Variants in ABCA4 observed in about 807,000 individuals in gnomAD.
ABCA4 encodes the protein ATP binding cassette subfamily A member 4, also known as retinal-specific phospholipid-transporting ATPase ABCA4.
In ABCA4, 196 loss-of-function variants were observed where a neutral mutation model predicts 263.7. The ratio of observed to expected loss-of-function variants is 0.74; its 90% CI spans 0.66 to 0.84. The LOEUF (loss-of-function observed/expected upper bound fraction) is 0.84. ABCA4 is among the 40% of genes least tolerant of loss of function. ABCA4 has a pLI of 0.00. For synonymous variants in ABCA4, 1,133 were observed against 1,094.2 expected, an observed-to-expected ratio of 1.04 and a Z score of -0.70; for missense variants, 2,792 against 2,855.1, an observed-to-expected ratio of 0.98 and a Z score of 0.50.
chr1:93,995,840 T>C (rs1452780467), intron 49 of ABCA4, among the ~76,000 whole-genome samples: 2 of 152,218 alleles, frequency 1.3e-5, no homozygotes, highest in African/African-American at 2.4e-5. Context: ...TCAAAAATGC[T>C]CTCCCATGCT....
chr1:93,997,169 TA>T (rs1381434952), intron 48 of ABCA4, among the ~76,000 whole-genome samples: 2 of 152,188 alleles, frequency 1.3e-5, no homozygotes, highest in African/African-American at 4.8e-5. Context: ...TTTACCGCAA[TA>T]AAAAATGTGA....
At chr1:94,088,893 G>T (rs1403484768) in intron 6 of ABCA4, among the ~76,000 whole-genome samples, 1 of 152,226 alleles carries the variant, frequency 6.6e-6, no homozygotes, top group Non-Finnish European at 1.5e-5. Flanking sequence ...TCTCCAGGGA[G>T]GCTGCGCATA....
intron 9 of ABCA4, 131 bp downstream of exon 9, chr1:94,079,191 A>C: frequency 7.4e-7 from 1 of 1,358,688 alleles, no homozygotes; most frequent in Non-Finnish European, 1.0e-6. Flanking sequence ...GAGGAAACGC[A>C]AGAGTCCACT....
At chr1:93,999,056 T>C (rs779263386) in intron 47 of ABCA4, among the ~76,000 whole-genome samples, 2 of 150,974 alleles carry the variant, frequency 1.3e-5, no homozygotes, top group Non-Finnish European at 2.9e-5. Context: ...CAGCCTATTT[T>C]ATTTTTTGAG....
Position 94,042,772 on chromosome 1 carries a change from T to C in ABCA4, c.3317A>G (p.Lys1106Arg), listed in dbSNP as rs750079068. 1.9e-6 allele frequency: 3 copies of C among 1,614,186 alleles called. No individual in the cohort carries two copies. In the South Asian group the frequency reaches 3.3e-5, roughly 18 times the overall value. The change falls in exon 22 of 50, where the codon AAG (lysine) becomes AGG (arginine). Residue 1106 changes from lysine to arginine, a missense_variant. Physicochemically the swap from Lys to Arg is conservative, Grantham distance 26 (BLOSUM62 2). Transcript: ENST00000370225. ...GCAGCAGCTGTTACCTGAGCGATACTTCAGGAGCAGATCCCAGATTGAGCG... is the reference window on the plus strand; with the variant it reads ...GCAGCAGCTGTTACCTGAGCGATACCTCAGGAGCAGATCCCAGATTGAGCG... The part of the protein sequence containing the change: ...SRRSIWDLLL[K>R]YRSGRTIIMS...
chr1:93,998,319 G>A (rs1407141101), intron 47 of ABCA4, among the ~76,000 whole-genome samples: 1 of 152,032 alleles, frequency 6.6e-6, no homozygotes, highest in African/African-American at 2.4e-5. Flanking sequence ...GAAAGACCCT[G>A]TCTCTACGAA....
chr1:94,019,552 G>A, intron 36 of ABCA4, 30 bp downstream of exon 36: 1 of 1,574,964 alleles, frequency 6.3e-7, no homozygotes. Flanking sequence ...GCCCACGGAG[G>A]GGAGGGAGGC....
At position 94,014,750 on chromosome 1, in the gene ABCA4, C is replaced by T. The variant is rs543805760; in HGVS notation, c.5313-60G>A. 1.0e-5 allele frequency: 16 copies of T among 1,605,800 alleles called. No individual in the cohort carries two copies. The East Asian group carries it at 1.1e-4, about 11-fold the overall frequency. ...TCCACATTCCATTCCACCTACAATA[C>T]GTCTGGATATAATGCACTCCCCTTA... On this transcript the variant is annotated intron_variant, in intron 37 of 49. Transcript: ENST00000370225.
intron 6 of ABCA4, 82 bp downstream of exon 6, chr1:94,098,712 G>T: frequency 6.6e-7 from 1 of 1,507,186 alleles, no homozygotes; most frequent in Non-Finnish European, 9.2e-7. Context: ...CCAGGCTCAC[G>T]CCCTCCCCAA....
intron 30 of ABCA4, among the ~76,000 whole-genome samples, chr1:94,026,039 T>G (rs1214004318): frequency 6.6e-6 from 1 of 152,162 alleles, no homozygotes; most frequent in South Asian, 2.1e-4. Context: ...CAAAGGTGCA[T>G]GGGTTTGTCC....
chr1:94,108,864 C>G, intron 3 of ABCA4, 148 bp from the exon 4 acceptor site: 1 of 1,032,728 alleles, frequency 9.7e-7, no homozygotes, highest in Admixed American at 2.1e-5. Context: ...GCTCTGCCCC[C>G]CGGGTTCACG....
rs1054241584 is a variant in ABCA4, at chr1:94,032,122, A to G, written c.3863-79T>C. 12 of 1,549,044 alleles carry G rather than the reference A, an allele frequency of 7.7e-6. No homozygotes were observed. In the African/African-American group the frequency reaches 1.2e-4, roughly 16 times the overall value. ...TCTAATGCCATTTTTTTTTTCCCTT[A>G]CAGCATTGATTTTCCTCTTCATTTA... On this transcript the variant is annotated intron_variant, in intron 26 of 49. Coordinates refer to ENST00000370225, the MANE Select transcript of ABCA4 (RefSeq NM_000350.3).
At chr1:94,080,105 C>T (rs1199816466) in intron 8 of ABCA4, among the ~76,000 whole-genome samples, 1 of 152,194 alleles carries the variant, frequency 6.6e-6, no homozygotes, top group Non-Finnish European at 1.5e-5. Flanking sequence ...TTTGTAAAAG[C>T]ATCCCACAGC....
At chr1:94,010,153 T>G (rs749903643) in intron 40 of ABCA4, among the ~76,000 whole-genome samples, 10 of 152,210 alleles carry the variant, frequency 6.6e-5, no homozygotes, top group Non-Finnish European at 1.2e-4. Flanking sequence ...GAAGGGCTGC[T>G]GCTTGGCAAT....
chr1:94,048,892 G>A lies in ABCA4; in HGVS notation c.2719C>T (p.Pro907Ser). 1 of 1,614,086 alleles carries A rather than the reference G, an allele frequency of 6.2e-7. No homozygotes were observed. Among genetic ancestry groups the A allele is most frequent in the Non-Finnish European group, 8.5e-7 (1 of 1,180,028 alleles). Reference protein sequence around the residue: ...TEPLTEETEDPEHPEGIHDSF... With the variant: ...TEPLTEETEDSEHPEGIHDSF... Reference sequence around the variant, plus strand: ...CCGTGTATTCCTTCTGGGTGCTCTGGATCCTCCGTTTCCTCTGTTAGGGGC... The same window carrying A: ...CCGTGTATTCCTTCTGGGTGCTCTGAATCCTCCGTTTCCTCTGTTAGGGGC... The change falls in exon 18 of 50, where the codon CCA (proline) becomes TCA (serine). Residue 907 changes from proline to serine, a missense_variant. Pro to Ser is a moderately conservative substitution (Grantham distance 74). Transcript: ENST00000370225.
intron 24 of ABCA4, among the ~76,000 whole-genome samples, chr1:94,039,637 A>T (rs1204010642): frequency 6.6e-6 from 1 of 152,204 alleles, no homozygotes; most frequent in African/African-American, 2.4e-5. Context: ...CCACATGTGC[A>T]ATCTCTGACT....
intron 16 of ABCA4, among the ~76,000 whole-genome samples, chr1:94,054,710 A>G (rs1244818328): frequency 6.6e-6 from 1 of 152,186 alleles, no homozygotes; most frequent in African/African-American, 2.4e-5. Flanking sequence ...CGGATAATGA[A>G]GCAGCTTGGA....
At chr1:94,008,318 G>A (rs373789326) in intron 41 of ABCA4, 21 bp from the exon 42 acceptor site, 13 of 1,612,458 alleles carry the variant, frequency 8.1e-6, no homozygotes, top group Admixed American at 5.0e-5. Context: ...CGAAGAAACC[G>A]GACTGAGAAC....
rs749863229 is a variant in ABCA4, at chr1:94,062,723, G to A, written c.1791C>T (p.Pro597=). 12 of 1,613,910 alleles carry A rather than the reference G, an allele frequency of 7.4e-6. No homozygotes were observed. Among genetic ancestry groups the A allele is most frequent in the South Asian group, 2.2e-5 (2 of 91,056 alleles). ...RYWDSGPRAD[P]VEDFRYIWGG... is the part of the protein sequence containing the mutation. ...CCCAGATGTACCGGAAATCTTCCAC[G>A]GGATCAGCTCTGGGACCAGAATCCC... Residue 597 remains proline, a synonymous_variant, in exon 13 of 50, where the codon CCC becomes CCT. Transcript: ENST00000370225.
Sources: gnomAD v4.1 joint callset for allele counts (sites outside exome capture counted in the v4.1 genomes callset) on GRCh38, gnomAD v4.1.1 for gene constraint, MANE v1.5 for transcripts, NCBI Gene and HGNC (gene_info 2026-07-23, HGNC 2026-07-21) for gene names.